Variants in TOP2B observed in about 807,000 individuals in gnomAD.
TOP2B encodes the protein DNA topoisomerase II beta, also known as DNA topoisomerase 2-beta.
In TOP2B, 51 loss-of-function variants were observed where a neutral mutation model predicts 193.5. That is an observed-to-expected ratio of 0.26 (90% CI 0.21 to 0.33). The LOEUF is 0.33. Ranked by LOEUF, TOP2B falls within the 10% of genes least tolerant of loss-of-function variation. TOP2B has a pLI of 1.00. For synonymous variants in TOP2B, 634 were observed against 635.7 expected (o/e 1.00, Z 0.04); for missense variants, 1,378 against 1,909.3 (o/e 0.72, Z 5.19).
chr3:25,607,932 A>T (rs952941452), intron 30 of TOP2B, among the ~76,000 whole-genome samples: 1 of 152,058 alleles, frequency 6.6e-6, no homozygotes, highest in Non-Finnish European at 1.5e-5. Context: ...CAGGTGTGCC[A>T]CCATTCCTGG....
intron 1 of TOP2B, among the ~76,000 whole-genome samples, chr3:25,659,339 A>C (rs1409576813): frequency 6.6e-6 from 1 of 152,224 alleles, no homozygotes; most frequent in Non-Finnish European, 1.5e-5. Flanking sequence ...AGAGATACTT[A>C]AGACAGTAAC....
Position 25,638,314 on chromosome 3 carries a change from TAAAAAAAAA to T in TOP2B, c.396-13_396-5del, listed in dbSNP as rs56986587. 271 of 131,782 alleles carry T rather than the reference TAAAAAAAAA, an allele frequency of 2.1e-3. 3 individuals are homozygous for T. Among genetic ancestry groups the T allele is most frequent in the African/African-American group, 0.014 (142 of 10,104 alleles). 8.2% of individuals were successfully genotyped at this position (131,782 alleles called of 1,614,324 possible). On this transcript the variant is annotated splice_region_variant and splice_polypyrimidine_tract_variant and intron_variant, in intron 4 of 35. Coordinates refer to ENST00000264331, the MANE Select transcript of TOP2B (RefSeq NM_001330700.2). The stretch of plus-strand genomic sequence containing the variant: ...AATGCTTATAATGTTAGATTCACTG[TAAAAAAAAA>T]AAAAAAAAAAAAAAAAAAAAAAAAA...
rs1379402113 is a variant in TOP2B at position 25,633,975 on chromosome 3, C to G, written c.892G>C (p.Asp298His). The G allele has an allele frequency of 1.2e-6, 2 of 1,612,012 alleles. No homozygotes were observed. The highest frequency in any genetic ancestry group is 1.7e-6 in the Non-Finnish European group (2 of 1,179,086). Residue 298 changes from aspartate (D) to histidine (H), a missense_variant, in exon 8 of 36, where the codon GAC becomes CAC. Physicochemically the swap from Asp to His is moderately conservative, Grantham distance 81. Transcript: ENST00000264331. ...GCCACCCCAGTTTCATCCAATTTGT[C>G]TTTCACATAAAGATCTACATAACTG... ...FRSYVDLYVK[D>H]KLDETGVALK...
intron 8 of TOP2B, among the ~76,000 whole-genome samples, chr3:25,633,334 T>C (rs560706183): frequency 6.6e-6 from 1 of 152,176 alleles, no homozygotes; most frequent in East Asian, 1.9e-4. Context: ...AATAGCCAAA[T>C]GGAAGAGATG....
rs1371881550 is a variant in TOP2B at position 25,609,821 on chromosome 3, CAG to C, written c.3787-111_3787-110del. 4.4e-6 allele frequency: 5 copies of C among 1,144,254 alleles called. No homozygotes were observed. In the African/African-American group the frequency reaches 8.1e-5, roughly 19 times the overall value. 70.9% of individuals were successfully genotyped at this position (1,144,254 alleles called of 1,614,324 possible). A position where few individuals can be genotyped will look rare whatever the true frequency, so the allele number is the denominator to read the frequency against. ...CCTTCAAATCAGGTAAATTTAAAAA[CAG>C]TGATTCTGATGAGGTCCTAACAGCT... On this transcript the variant is annotated intron_variant, in intron 28 of 35. Coordinates refer to ENST00000264331, the MANE Select transcript of TOP2B (RefSeq NM_001330700.2).
intron 1 of TOP2B, among the ~76,000 whole-genome samples, chr3:25,651,010 C>A (rs1203660171): frequency 8.5e-5 from 13 of 152,224 alleles, no homozygotes; most frequent in South Asian, 4.1e-4. Flanking sequence ...TTTGTTCAGA[C>A]ACGTTATAAC....
rs1702024563 is a variant in TOP2B, at chr3:25,599,344, G to GT, written c.4710+90dup. The GT allele has an allele frequency of 6.7e-6, 8 of 1,194,678 alleles. No individual in the cohort carries two copies. In the Admixed American group the frequency reaches 1.9e-4, roughly 28 times the overall value. 74.0% of individuals were successfully genotyped at this position (1,194,678 alleles called of 1,614,324 possible). Reference sequence around the variant, plus strand: ...GATACGAGATGCTAGGTGGAAAGCTGTTCCAGGACTATAGTCATAAGCAAA... The same window carrying GT: ...GATACGAGATGCTAGGTGGAAAGCTGTTTCCAGGACTATAGTCATAAGCAAA... On this transcript the variant is annotated intron_variant, in intron 35 of 35. Coordinates refer to ENST00000264331, the MANE Select transcript of TOP2B (RefSeq NM_001330700.2).
chr3:25,636,146 T>C lies in TOP2B; in HGVS notation c.642A>G (p.Thr214=), dbSNP rs1228967819. ...CKEYKHSFKQ[T]WMNNMMKTSE... Reference sequence around the variant, plus strand: ...AAGTCTTCATCATATTATTCATCCATGTCTTTAAAAGAAAAAAATTCAAAT... The same window carrying C: ...AAGTCTTCATCATATTATTCATCCACGTCTTTAAAAGAAAAAAATTCAAAT... The change falls in exon 7 of 36, where the codon ACA becomes ACG. Residue 214 remains threonine (T), a splice_region_variant and synonymous_variant. Transcript: ENST00000264331. The C allele has an allele frequency of 1.3e-6, 2 of 1,564,308 alleles. No homozygotes were observed. The highest frequency in any genetic ancestry group is 1.7e-6 in the Non-Finnish European group (2 of 1,153,018).
At chr3:25,632,885 G>A (rs1315496736) in intron 8 of TOP2B, 91 bp from the exon 9 acceptor site, 1 of 1,057,732 alleles carries the variant, frequency 9.5e-7, no homozygotes. Context: ...TTTTCTAAAA[G>A]AGTAATAGAG....
At chr3:25,635,813 A>T in intron 7 of TOP2B, 123 bp downstream of exon 7, 1 of 722,878 alleles carries the variant, frequency 1.4e-6, no homozygotes, top group Non-Finnish European at 2.2e-6. Context: ...TAATCACTTT[A>T]AATGTGAATC....
In TOP2B at chr3:25,624,736, T is replaced by C. The variant is rs2125370467; in HGVS notation, c.2292A>G (p.Lys764=). The change falls in exon 19 of 36, where the codon AAA becomes AAG. Residue 764 remains lysine (K), a synonymous_variant. Transcript: ENST00000264331. ...CAACAGAGCCAGCCAACTGGGCAAC[T>C]TTTACTTCACGTTTATCATTCCTCT... ...CFKRNDKREV[K]VAQLAGSVAE... is the part of the protein sequence containing the mutation. The C allele has an allele frequency of 6.2e-7, 1 of 1,613,810 alleles. No individual in the cohort carries two copies. Among genetic ancestry groups the C allele is most frequent in the Non-Finnish European group, 8.5e-7 (1 of 1,179,764 alleles).
Position 25,632,394 on chromosome 3 carries a change from T to G in TOP2B, c.1266+52A>C, listed in dbSNP as rs879141142. 8 of 1,429,266 alleles carry G rather than the reference T, an allele frequency of 5.6e-6. No individual in the cohort carries two copies. The East Asian group carries it at 1.7e-4, about 31-fold the overall frequency. 88.5% of individuals were successfully genotyped at this position (1,429,266 alleles called of 1,614,324 possible). A position where few individuals can be genotyped will look rare whatever the true frequency, so the allele number is the denominator to read the frequency against. On this transcript the variant is annotated intron_variant, in intron 10 of 35. Coordinates refer to ENST00000264331, the MANE Select transcript of TOP2B (RefSeq NM_001330700.2). ...CACAAATAAAGTAAATCAAGAAAAC[T>G]ACCTAATCAACTCTTAATAACAACA...
chr3:25,645,207 C>T, intron 2 of TOP2B, 93 bp downstream of exon 2: 1 of 1,194,744 alleles, frequency 8.4e-7, no homozygotes, highest in Non-Finnish European at 1.2e-6. Flanking sequence ...TTACAAATTT[C>T]CAAAGCAAGT....
chr3:25,609,833 T>C, intron 28 of TOP2B, 121 bp from the exon 29 acceptor site: 1 of 982,080 alleles, frequency 1.0e-6, no homozygotes, highest in Non-Finnish European at 1.4e-6. Flanking sequence ...GTGATTCTGA[T>C]GAGGTCCTAA....
At chr3:25,657,055 C>A (rs1042872300) in intron 1 of TOP2B, among the ~76,000 whole-genome samples, 1 of 152,188 alleles carries the variant, frequency 6.6e-6, no homozygotes, top group South Asian at 2.1e-4. Flanking sequence ...GAAATTAACA[C>A]TAGAATCCAA....
intron 27 of TOP2B, 38 bp downstream of exon 27, chr3:25,615,167 G>GTCCA (rs1164668306): frequency 3.9e-6 from 6 of 1,544,008 alleles, no homozygotes; most frequent in Non-Finnish European, 5.3e-6. Flanking sequence ...TCATAAACAT[G>GTCCA]ACTTTTCCAA....
At chr3:25,633,517 C>T (rs1559502146) in intron 8 of TOP2B, among the ~76,000 whole-genome samples, 1 of 146,224 alleles carries the variant, frequency 6.8e-6, no homozygotes, top group Non-Finnish European at 1.6e-5. Context: ...AACTCAGTCA[C>T]CAGCCCCCTC....
chr3:25,648,921 T>C (rs1421242572), intron 1 of TOP2B, among the ~76,000 whole-genome samples: 1 of 152,086 alleles, frequency 6.6e-6, no homozygotes, highest in Admixed American at 6.6e-5. Flanking sequence ...TATATTGTCA[T>C]ACAAAGAATT....
At position 25,624,369 on chromosome 3, in the gene TOP2B, A is replaced by G. The variant is rs1361375764; in HGVS notation, c.2423T>C (p.Ile808Thr). ...ATGAAGCCGAGTTCCAAACTGACCA[A>G]TAGGCTGAAGCAAGTTAATGTTGTT... ...GSNNINLLQP[I>T]GQFGTRLHGG... The change falls in exon 20 of 36, where the codon ATT becomes ACT. Residue 808 changes from isoleucine to threonine, a missense_variant. Coordinates refer to ENST00000264331, the MANE Select transcript of TOP2B (RefSeq NM_001330700.2). 1.2e-6 allele frequency: 2 copies of G among 1,613,828 alleles called. No homozygotes were observed. Among genetic ancestry groups the G allele is most frequent in the Non-Finnish European group, 8.5e-7 (1 of 1,179,850 alleles).
Sources: gnomAD v4.1 joint callset for allele counts (sites outside exome capture counted in the v4.1 genomes callset) on GRCh38, gnomAD v4.1.1 for gene constraint, MANE v1.5 for transcripts, NCBI Gene and HGNC (gene_info 2026-07-23, HGNC 2026-07-21) for gene names.